The following HPF1 variants were observed in gnomAD, a reference collection of about 807,000 sequenced individuals.
The protein encoded by HPF1 is histone PARylation factor 1.
HPF1 carries 35 observed loss-of-function variants against 38.8 expected under a neutral mutation model. That is an observed-to-expected ratio of 0.90 (90% confidence interval 0.69 to 1.19). The LOEUF is 1.19. HPF1 is among the 50% of genes most tolerant of loss of function. HPF1 has a pLI of 0.00. For missense variants in HPF1, 367 were observed against 405.8 expected (o/e 0.90, Z 0.82); for synonymous variants, 115 against 139.2 (o/e 0.83, Z 1.22).
intron 2 of HPF1, among the ~76,000 whole-genome samples, chr4:169,753,028 G>GTTTTTTTTTTTTTT (rs71590035): frequency 1.9e-5 from 2 of 103,890 alleles, no homozygotes; most frequent in Non-Finnish European, 3.5e-5. Flanking sequence ...CCTTGGTTAG[G>GTTTTTTTTTTTTTT]TTTTTTTTTT....
Position 169,729,497 on chromosome 4 carries a change from G to C in HPF1, c.*81C>G. On this transcript the variant is annotated 3_prime_UTR_variant, in exon 8 of 8. Coordinates refer to ENST00000393381, the MANE Select transcript of HPF1 (RefSeq NM_017867.3). ...CGTTTTTAGTAAATGTTTATTTTTT[G>C]TATTCCTTAAAAACAAAACAAAAAT... 8.6e-7 allele frequency: 1 copy of C among 1,166,290 alleles called. No individual in the cohort carries two copies. Among genetic ancestry groups the C allele is most frequent in the Non-Finnish European group, 1.1e-6 (1 of 885,116 alleles). 72.2% of individuals were successfully genotyped at this position (1,166,290 alleles called of 1,614,324 possible).
chr4:169,737,809 C>A, intron 5 of HPF1, 62 bp from the exon 6 acceptor site: 3 of 1,023,422 alleles, frequency 2.9e-6, no homozygotes, highest in African/African-American at 1.6e-5. Flanking sequence ...AAAAAATCCC[C>A]AAATACATAA....
intron 4 of HPF1, among the ~76,000 whole-genome samples, chr4:169,748,168 G>A (rs1356187159): frequency 6.6e-6 from 1 of 152,144 alleles, no homozygotes; most frequent in East Asian, 1.9e-4. Flanking sequence ...CTTAACAGGT[G>A]TTTAAAATCA....
intron 2 of HPF1, among the ~76,000 whole-genome samples, chr4:169,751,166 C>T (rs1734114079): frequency 2.0e-5 from 3 of 151,996 alleles, no homozygotes; most frequent in Admixed American, 2.0e-4. Flanking sequence ...AGCACTTTGG[C>T]AGGCTGAGGC....
intron 6 of HPF1, among the ~76,000 whole-genome samples, chr4:169,737,269 G>A (rs7691713): frequency 1.4e-5 from 2 of 141,886 alleles, no homozygotes; most frequent in Non-Finnish European, 1.5e-5. Flanking sequence ...CAGCCTGGGC[G>A]ACAGAGCAAC....
At chr4:169,751,546 G>C (rs751358587) in intron 2 of HPF1, among the ~76,000 whole-genome samples, 11 of 151,994 alleles carry the variant, frequency 7.2e-5, no homozygotes, top group African/African-American at 2.7e-4. Flanking sequence ...CTCTATTCAC[G>C]GATCACAGAC....
At chr4:169,750,056 T>G (rs1338428751) in intron 3 of HPF1, among the ~76,000 whole-genome samples, 1 of 152,262 alleles carries the variant, frequency 6.6e-6, no homozygotes, top group Admixed American at 6.5e-5. Context: ...CTAAGTATTC[T>G]GCATGCATTC....
chr4:169,746,480 G>C (rs987472240), intron 4 of HPF1, among the ~76,000 whole-genome samples: 6 of 151,794 alleles, frequency 4.0e-5, no homozygotes, highest in Non-Finnish European at 7.4e-5. Flanking sequence ...CATCAGTAAG[G>C]GTTCTTATAC....
At position 169,729,498 on chromosome 4, in the gene HPF1, T is replaced by C; in HGVS notation, c.*80A>G. The C allele has an allele frequency of 8.5e-7, 1 of 1,173,866 alleles. No homozygotes were observed. 72.7% of individuals were successfully genotyped at this position (1,173,866 alleles called of 1,614,324 possible). A position where few individuals can be genotyped will look rare whatever the true frequency, so the allele number is the denominator to read the frequency against. On this transcript the variant is annotated 3_prime_UTR_variant, in exon 8 of 8. Coordinates refer to ENST00000393381, the MANE Select transcript of HPF1 (RefSeq NM_017867.3). ...GTTTTTAGTAAATGTTTATTTTTTG[T>C]ATTCCTTAAAAACAAAACAAAAATC...
intron 4 of HPF1, among the ~76,000 whole-genome samples, chr4:169,746,799 C>T (rs1232124405): frequency 6.6e-6 from 1 of 151,318 alleles, no homozygotes; most frequent in African/African-American, 2.4e-5. Context: ...ATTTTTTACC[C>T]CTGTTTGAGA....
At chr4:169,740,528 T>C (rs971379723) in intron 5 of HPF1, among the ~76,000 whole-genome samples, 5 of 152,184 alleles carry the variant, frequency 3.3e-5, no homozygotes, top group Non-Finnish European at 2.9e-5. Flanking sequence ...ACTAGTGGAA[T>C]TGAATTCTTC....
chr4:169,737,289 C>CAAAAAA (rs35524684), intron 6 of HPF1, among the ~76,000 whole-genome samples: 3 of 108,472 alleles, frequency 2.8e-5, no homozygotes, highest in African/African-American at 7.5e-5. Context: ...CACTCCGTCT[C>CAAAAAA]AAAAAAAAAA....
At chr4:169,732,145 T>C in intron 6 of HPF1, 2 of 289,492 alleles carry the variant, frequency 6.9e-6, no homozygotes, top group African/African-American at 2.3e-5. Context: ...CGATTTTTTT[T>C]TTTTTTTTTT....
chr4:169,749,720 C>CAAAAAAAAA (rs11413826), intron 3 of HPF1, among the ~76,000 whole-genome samples: 12 of 127,284 alleles, frequency 9.4e-5, no homozygotes, highest in African/African-American at 1.8e-4. Flanking sequence ...TACTCAAATA[C>CAAAAAAAAA]AAAAAAAAAA....
At chr4:169,743,409 CTTTTTTTTTT>C (rs34941625) in intron 4 of HPF1, among the ~76,000 whole-genome samples, 3 of 69,714 alleles carry the variant, frequency 4.3e-5, no homozygotes, top group African/African-American at 1.9e-4. Context: ...TGCCCCTGGC[CTTTTTTTTTT>C]TTTTTTTTTT....
intron 7 of HPF1, among the ~76,000 whole-genome samples, chr4:169,730,021 T>C (rs1733809207): frequency 6.6e-6 from 1 of 152,206 alleles, no homozygotes; most frequent in African/African-American, 2.4e-5. Context: ...TTTTATTCTC[T>C]CCAGTGTATT....
rs187816884 is a variant in HPF1 at position 169,751,293 on chromosome 4, T to C, written c.209-568A>G. 4.5e-3 allele frequency among the ~76,000 whole-genome samples: 687 copies of C among 151,172 alleles called. 7 individuals carry two copies. Among genetic ancestry groups the C allele is most frequent in the South Asian group, 0.032 (152 of 4,778 alleles). On this transcript the variant is annotated intron_variant, in intron 2 of 7. Transcript: ENST00000393381. ...TGGCTCACGCCTGTAATCCCAGCTATTGGAGAGGCTGAGGAACAAGAATCA... is the reference window on the plus strand; with the variant it reads ...TGGCTCACGCCTGTAATCCCAGCTACTGGAGAGGCTGAGGAACAAGAATCA...
chr4:169,756,750 A>G (rs1734192768), intron 1 of HPF1, among the ~76,000 whole-genome samples: 1 of 152,166 alleles, frequency 6.6e-6, no homozygotes, highest in African/African-American at 2.4e-5. Context: ...CTGTTATTGT[A>G]TTTCTAGTTA....
chr4:169,752,168 C>CTTTTTT (rs35247508), intron 2 of HPF1, among the ~76,000 whole-genome samples: 16 of 107,176 alleles, frequency 1.5e-4, no homozygotes, highest in African/African-American at 4.0e-4. Context: ...ACAGGCATGA[C>CTTTTTT]TTTTTTTTTT....
Sources: gnomAD v4.1 joint callset for allele counts (sites outside exome capture counted in the v4.1 genomes callset) on GRCh38, gnomAD v4.1.1 for gene constraint, MANE v1.5 for transcripts, NCBI Gene and HGNC (gene_info 2026-07-23, HGNC 2026-07-21) for gene names.